The following NBEA variants were observed in gnomAD, a reference collection of about 807,000 sequenced individuals.
The protein encoded by NBEA is lysosomal-trafficking regulator 2.
Under a neutral mutation model 343.4 loss-of-function variants are expected in NBEA, and 44 were observed. That is an observed-to-expected ratio of 0.13 (90% confidence interval 0.10 to 0.16). NBEA has a LOEUF of 0.16. Ranked by LOEUF, NBEA falls within the 10% of genes least tolerant of loss-of-function variation. The probability of loss-of-function intolerance (pLI) is 1.00; values close to 1 mark genes in which losing one functional copy is unlikely to be tolerated. For missense variants in NBEA, 2,555 were observed against 3,631.3 expected, an observed-to-expected ratio of 0.70 and a Z score of 7.62; for synonymous variants, 1,175 against 1,238.7, an observed-to-expected ratio of 0.95 and a Z score of 1.08.
intron 47 of NBEA, among the ~76,000 whole-genome samples, chr13:35,595,710 A>G (rs1490379157): frequency 6.6e-6 from 1 of 151,794 alleles, no homozygotes; most frequent in Non-Finnish European, 1.5e-5. Flanking sequence ...TACTTTTTTT[A>G]TTTTTTAAGA....
intron 6 of NBEA, among the ~76,000 whole-genome samples, chr13:35,052,860 T>G (rs908822170): frequency 2.6e-5 from 4 of 152,028 alleles, no homozygotes; most frequent in African/African-American, 9.7e-5. Context: ...AAAGCAAACC[T>G]TGATAAACTC....
intron 34 of NBEA, among the ~76,000 whole-genome samples, chr13:35,270,687 G>C (rs1223763428): frequency 6.6e-6 from 1 of 152,186 alleles, no homozygotes; most frequent in Non-Finnish European, 1.5e-5. Flanking sequence ...CCCGTGCCTG[G>C]CTTGGTGGAT....
chr13:35,028,310 A>G lies in NBEA; in HGVS notation c.295-12623A>G, dbSNP rs73167740. On this transcript the variant is annotated intron_variant, in intron 1 of 58. Coordinates refer to ENST00000379939, the MANE Select transcript of NBEA (RefSeq NM_001385012.1). ...TATTCCATGAACATAGTATGTTTCT[A>G]TATTTATTTAGGTCTTTGATTTCTT... 5.3e-3 allele frequency among the ~76,000 whole-genome samples: 810 copies of G among 151,926 alleles called. 6 individuals carry two copies. The highest frequency in any genetic ancestry group is 7.6e-3 in the Non-Finnish European group (518 of 67,762).
chr13:35,338,041 C>T (rs868306916), intron 36 of NBEA, among the ~76,000 whole-genome samples: 4 of 151,606 alleles, frequency 2.6e-5, no homozygotes, highest in African/African-American at 7.3e-5. Flanking sequence ...ATAACCTCCC[C>T]GCCCCCAACA....
intron 34 of NBEA, among the ~76,000 whole-genome samples, chr13:35,262,471 T>A (rs371443281): frequency 2.8e-4 from 42 of 152,194 alleles, no homozygotes; most frequent in Middle Eastern, 3.2e-3. Flanking sequence ...AACACAGGAA[T>A]GCTACTGAAC....
Position 35,654,913 on chromosome 13 carries a change from A to T in NBEA, c.8094A>T (p.Gln2698His). The change falls in exon 54 of 59, where the codon CAA (glutamine) becomes CAT (histidine). Residue 2698 changes from glutamine (Q) to histidine (H), a missense_variant. This residue lies in a region of NBEA where 39 missense variants were observed against 37.9 expected (regional missense o/e 1.03). Coordinates refer to ENST00000379939, the MANE Select transcript of NBEA (RefSeq NM_001385012.1). ...CAGACCTCGTTGACCAGAGTATACA[A>T]ATCAATGCACATTGTTTTGTGGTAA... is the stretch of plus-strand genomic sequence containing the variant. Reference protein sequence around the residue: ...QITDLVDQSIQINAHCFVVTA... With the variant: ...QITDLVDQSIHINAHCFVVTA... The T allele has an allele frequency of 1.9e-6, 3 of 1,591,934 alleles. No individual in the cohort carries two copies. The highest frequency in any genetic ancestry group is 2.6e-6 in the Non-Finnish European group (3 of 1,172,610).
chr13:35,169,049 A>G (rs1230502467), intron 25 of NBEA, 54 bp downstream of exon 25: 20 of 1,364,016 alleles, frequency 1.5e-5, no homozygotes, highest in South Asian at 1.5e-5. Context: ...TTTTATTTTT[A>G]CTTATTTATG....
chr13:35,228,359 G>C (rs2074777866), intron 33 of NBEA, among the ~76,000 whole-genome samples: 1 of 150,698 alleles, frequency 6.6e-6, no homozygotes, highest in Non-Finnish European at 1.5e-5. Context: ...TTTCTTCATG[G>C]AAATAAGTAA....
intron 1 of NBEA, among the ~76,000 whole-genome samples, chr13:35,013,482 T>A (rs1331284618): frequency 6.6e-6 from 1 of 152,104 alleles, no homozygotes; most frequent in Non-Finnish European, 1.5e-5. Flanking sequence ...ATCTTTTTTT[T>A]TTTTTTGAGA....
intron 39 of NBEA, among the ~76,000 whole-genome samples, chr13:35,434,283 AT>A (rs1282069443): frequency 1.3e-5 from 2 of 152,180 alleles, no homozygotes; most frequent in African/African-American, 2.4e-5. Flanking sequence ...AAAGTAAAAA[AT>A]AATACCGTAA....
intron 45 of NBEA, among the ~76,000 whole-genome samples, chr13:35,577,690 G>A (rs1316496780): frequency 6.6e-6 from 1 of 151,858 alleles, no homozygotes; most frequent in East Asian, 1.9e-4. Context: ...CATTCATTTA[G>A]CATTTATTGC....
chr13:35,478,249 A>G (rs757198342), intron 41 of NBEA, among the ~76,000 whole-genome samples: 3 of 152,220 alleles, frequency 2.0e-5, no homozygotes, highest in South Asian at 2.1e-4. Flanking sequence ...TTAGCTGAAA[A>G]TAGTATACAT....
intron 41 of NBEA, among the ~76,000 whole-genome samples, chr13:35,511,030 T>C (rs949500749): frequency 3.3e-5 from 5 of 152,180 alleles, no homozygotes; most frequent in Admixed American, 6.6e-5. Context: ...TAATAAAATA[T>C]GGTGGATTAT....
intron 38 of NBEA, among the ~76,000 whole-genome samples, chr13:35,381,980 AAAC>A (rs1380244388): frequency 1.3e-5 from 2 of 152,176 alleles, no homozygotes; most frequent in African/African-American, 2.4e-5. Context: ...GAAGAATGGA[AAAC>A]AACAATTATT....
At chr13:35,250,689 T>C (rs918976981) in intron 34 of NBEA, among the ~76,000 whole-genome samples, 15 of 152,186 alleles carry the variant, frequency 9.9e-5, no homozygotes, top group African/African-American at 3.6e-4. Context: ...TTTGCATGTG[T>C]ACACAAGAAG....
At chr13:35,046,272 T>C (rs961743150) in intron 4 of NBEA, among the ~76,000 whole-genome samples, 1 of 152,198 alleles carries the variant, frequency 6.6e-6, no homozygotes, top group Non-Finnish European at 1.5e-5. Context: ...TATGGACATA[T>C]GTTTTCTTAT....
At chr13:35,493,487 C>T (rs993780917) in intron 41 of NBEA, among the ~76,000 whole-genome samples, 1 of 151,890 alleles carries the variant, frequency 6.6e-6, no homozygotes, top group Admixed American at 6.6e-5. Context: ...ATATCTGTTT[C>T]CAATACTACC....
At chr13:35,378,199 ATTTCAAATATC>A (rs926498023) in intron 38 of NBEA, among the ~76,000 whole-genome samples, 7 of 152,172 alleles carry the variant, frequency 4.6e-5, no homozygotes, top group Admixed American at 4.6e-4. Flanking sequence ...TCTTCCTCAC[ATTTCAAATATC>A]TTTGCTTCTA....
At chr13:35,613,171 C>T (rs1251568042) in intron 48 of NBEA, among the ~76,000 whole-genome samples, 3 of 150,614 alleles carry the variant, frequency 2.0e-5, no homozygotes, top group Non-Finnish European at 4.4e-5. Context: ...ACTGTAACTG[C>T]ACCATTGACC....
Sources: gnomAD v4.1 joint callset for allele counts (sites outside exome capture counted in the v4.1 genomes callset) on GRCh38, gnomAD v4.1.1 for gene constraint, gnomAD v4.1.1 regional missense constraint, MANE v1.5 for transcripts, NCBI Gene and HGNC (gene_info 2026-07-23, HGNC 2026-07-21) for gene names.